The following POU2F1 variants were observed in gnomAD, a reference collection of about 807,000 sequenced individuals.
The protein encoded by POU2F1 is POU domain, class 2, transcription factor 1.
POU2F1 carries 16 observed loss-of-function variants against 84.9 expected under a neutral mutation model. The ratio of observed to expected loss-of-function variants is 0.19; its 90% CI spans 0.13 to 0.29. POU2F1 has a LOEUF of 0.29. Ranked by LOEUF, POU2F1 falls within the 10% of genes least tolerant of loss-of-function variation. POU2F1 has a pLI of 1.00. For synonymous variants in POU2F1, 368 were observed against 368.3 expected (o/e 1.00, Z 0.01); for missense variants, 738 against 942.6 (o/e 0.78, Z 2.84).
chr1:167,350,149 A>G (rs2101783500), intron 2 of POU2F1, among the ~76,000 whole-genome samples: 1 of 152,326 alleles, frequency 6.6e-6, no homozygotes, highest in Non-Finnish European at 1.5e-5. Flanking sequence ...CAATGATACT[A>G]AGTATTATTG....
At chr1:167,284,816 C>T (rs1193563752) in intron 1 of POU2F1, among the ~76,000 whole-genome samples, 1 of 152,116 alleles carries the variant, frequency 6.6e-6, no homozygotes, top group Non-Finnish European at 1.5e-5. Context: ...TTTATATTAT[C>T]CTTAGCTGTT....
At chr1:167,251,768 A>G (rs1650744423) in intron 1 of POU2F1, among the ~76,000 whole-genome samples, 1 of 152,100 alleles carries the variant, frequency 6.6e-6, no homozygotes, top group Non-Finnish European at 1.5e-5. Context: ...CACTTTTGTC[A>G]TCACGGAACA....
chr1:167,412,270 C>T lies in POU2F1; in HGVS notation c.1867C>T (p.Pro623Ser). ...CATGGCAGCTGCTGCAGGACTAAAC[C>T]CAAGCCTGATGGCACCCTCACAGTT... ...AAMAAAAGLN[P>S]SLMAPSQFAA... The change falls in exon 14 of 16, where the codon CCA becomes TCA. Residue 623 changes from proline (P) to serine (S), a missense_variant. Pro to Ser is a moderately conservative substitution (Grantham distance 74). Coordinates refer to ENST00000367866, the MANE Select transcript of POU2F1 (RefSeq NM_002697.4). 1.3e-6 allele frequency: 2 copies of T among 1,571,190 alleles called. No homozygotes were observed. The highest frequency in any genetic ancestry group is 2.4e-5 in the East Asian group (1 of 42,232).
chr1:167,322,421 C>T (rs1172152656), intron 1 of POU2F1, among the ~76,000 whole-genome samples: 1 of 152,152 alleles, frequency 6.6e-6, no homozygotes, highest in Non-Finnish European at 1.5e-5. Flanking sequence ...AGAAGTAATC[C>T]TACCATCCTC....
chr1:167,425,632 G>T lies in POU2F1; in HGVS notation c.*9822G>T. 1 of 152,650 alleles carries T rather than the reference G, an allele frequency of 6.6e-6. No individual in the cohort carries two copies. The allele number at this position is 152,650 out of a possible 1,614,324, so 9.5% of individuals were successfully genotyped here. ...ACTTAGCACAGGGCCTAGGGAGGGT[G>T]GGAGCTGCTGCTGGACTGGCCCGAG... On this transcript the variant is annotated 3_prime_UTR_variant, in exon 16 of 16. Transcript: ENST00000367866.
chr1:167,388,003 A>C (rs887304175), intron 8 of POU2F1, among the ~76,000 whole-genome samples: 9 of 152,176 alleles, frequency 5.9e-5, no homozygotes, highest in Non-Finnish European at 1.3e-4. Context: ...AAGGAAAATT[A>C]AAAGCTCACC....
At chr1:167,316,911 A>C (rs1480899742) in intron 1 of POU2F1, among the ~76,000 whole-genome samples, 1 of 152,096 alleles carries the variant, frequency 6.6e-6, no homozygotes, top group African/African-American at 2.4e-5. Context: ...TATTTTTTTG[A>C]GATGGAGTCT....
chr1:167,410,412 A>G (rs1320505836), intron 13 of POU2F1, among the ~76,000 whole-genome samples: 1 of 152,202 alleles, frequency 6.6e-6, no homozygotes, highest in African/African-American at 2.4e-5. Context: ...TTTAAAACAG[A>G]TTTTTGGAAG....
intron 1 of POU2F1, among the ~76,000 whole-genome samples, chr1:167,262,578 A>G (rs1651652342): frequency 6.6e-6 from 1 of 152,218 alleles, no homozygotes; most frequent in African/African-American, 2.4e-5. Context: ...TTAGTTTCAC[A>G]GAGGGAGCTA....
At chr1:167,253,129 T>C (rs1427713234) in intron 1 of POU2F1, among the ~76,000 whole-genome samples, 2 of 152,242 alleles carry the variant, frequency 1.3e-5, no homozygotes, top group East Asian at 3.8e-4. Flanking sequence ...TTGTGAAACT[T>C]GGATAAACCT....
intron 8 of POU2F1, among the ~76,000 whole-genome samples, chr1:167,384,613 C>T (rs958057537): frequency 6.6e-6 from 1 of 151,714 alleles, no homozygotes; most frequent in Non-Finnish European, 1.5e-5. Context: ...TTAATACTAA[C>T]ACATTACCAG....
chr1:167,267,487 G>A (rs1046346821), intron 1 of POU2F1, among the ~76,000 whole-genome samples: 2 of 151,956 alleles, frequency 1.3e-5, no homozygotes, highest in Admixed American at 6.6e-5. Context: ...CATAGCTACC[G>A]ATCTTTCTGC....
chr1:167,293,508 C>T (rs1392861227), intron 1 of POU2F1, among the ~76,000 whole-genome samples: 6 of 152,198 alleles, frequency 3.9e-5, no homozygotes, highest in Non-Finnish European at 7.3e-5. Context: ...ACAACTCATG[C>T]TCATGGACTG....
chr1:167,387,466 A>G (rs549249145), intron 8 of POU2F1, among the ~76,000 whole-genome samples: 1 of 152,332 alleles, frequency 6.6e-6, no homozygotes, highest in Non-Finnish European at 1.5e-5. Flanking sequence ...TGACATAGAA[A>G]TGAACTTTGT....
At chr1:167,319,459 C>T (rs1205966306) in intron 1 of POU2F1, among the ~76,000 whole-genome samples, 1 of 152,058 alleles carries the variant, frequency 6.6e-6, no homozygotes, top group Non-Finnish European at 1.5e-5. Context: ...TCCCGTAGTT[C>T]CTGTTTCCCC....
chr1:167,385,069 A>G (rs2101883157), intron 8 of POU2F1, among the ~76,000 whole-genome samples: 1 of 152,274 alleles, frequency 6.6e-6, no homozygotes, highest in Middle Eastern at 3.4e-3. Context: ...GCATTTGGAA[A>G]TTGAAATTAA....
chr1:167,388,432 T>C (rs1428979704), intron 8 of POU2F1, among the ~76,000 whole-genome samples: 5 of 152,186 alleles, frequency 3.3e-5, no homozygotes, highest in Non-Finnish European at 7.3e-5. Context: ...TGAGAATTTA[T>C]CTCAAAAGAA....
At chr1:167,259,578 G>T (rs1651398946) in intron 1 of POU2F1, among the ~76,000 whole-genome samples, 1 of 152,112 alleles carries the variant, frequency 6.6e-6, no homozygotes, top group African/African-American at 2.4e-5. Flanking sequence ...TTATTAAGGG[G>T]GGGTGTGTTT....
At chr1:167,405,659 G>C (rs1649522091) in intron 13 of POU2F1, among the ~76,000 whole-genome samples, 1 of 152,138 alleles carries the variant, frequency 6.6e-6, no homozygotes, top group Admixed American at 6.6e-5. Flanking sequence ...CTGAACTCCA[G>C]CTTGAGAACA....
Sources: gnomAD v4.1 joint callset for allele counts (sites outside exome capture counted in the v4.1 genomes callset) on GRCh38, gnomAD v4.1.1 for gene constraint, MANE v1.5 for transcripts, NCBI Gene and HGNC (gene_info 2026-07-23, HGNC 2026-07-21) for gene names.